Variants in CPS1 observed in about 807,000 individuals in gnomAD.
CPS1 encodes carbamoyl-phosphate synthase [ammonia], mitochondrial.
In CPS1, 109 loss-of-function variants were observed where a neutral mutation model predicts 174.6. The observed-to-expected ratio is 0.62, with a 90% CI of 0.53 to 0.73. The LOEUF is 0.73. Ranked by LOEUF, CPS1 falls within the 30% of genes least tolerant of loss-of-function variation. CPS1 has a pLI of 0.00. For missense variants in CPS1, 1,689 were observed against 1,821.9 expected (o/e 0.93, Z 1.33); for synonymous variants, 637 against 632.0 (o/e 1.01, Z -0.12).
chr2:210,477,736 C>G, exon 1 of CPS1: 8 of 1,612,892 alleles, frequency 5.0e-6, no homozygotes, highest in Non-Finnish European at 6.8e-6. Flanking sequence ...TTAACCTCAT[C>G]AAATTCATGA....
intron 21 of CPS1, among the ~76,000 whole-genome samples, chr2:210,630,550 G>A (rs1245747079): frequency 6.6e-6 from 1 of 152,096 alleles, no homozygotes; most frequent in Non-Finnish European, 1.5e-5. Context: ...ATACTGTCAC[G>A]TGAACATTGG....
At chr2:210,664,023 A>G (rs1701008796) in intron 33 of CPS1, among the ~76,000 whole-genome samples, 1 of 152,200 alleles carries the variant, frequency 6.6e-6, no homozygotes, top group Non-Finnish European at 1.5e-5. Flanking sequence ...GCCTGGTTAC[A>G]AGCAAGATCT....
intron 21 of CPS1, among the ~76,000 whole-genome samples, chr2:210,623,537 A>G (rs767400175): frequency 1.2e-4 from 18 of 152,078 alleles, no homozygotes; most frequent in Non-Finnish European, 2.1e-4. Flanking sequence ...CAAGGGTCCA[A>G]TTTCCATCCG....
At chr2:210,635,527 A>T (rs1474942080) in intron 21 of CPS1, among the ~76,000 whole-genome samples, 1 of 152,084 alleles carries the variant, frequency 6.6e-6, no homozygotes, top group Non-Finnish European at 1.5e-5. Flanking sequence ...AGCACTTGAA[A>T]CCTGGCTTTG....
Position 210,608,425 on chromosome 2 carries a change from G to T in CPS1, c.2257G>T (p.Val753Phe). The change falls in exon 19 of 38, where the codon GTC becomes TTC. Residue 753 changes from valine to phenylalanine, a missense_variant. By Grantham distance (50) the Val-to-Phe change is conservative. Coordinates refer to ENST00000233072, the MANE Select transcript of CPS1 (RefSeq NM_001875.5). ...AATCCCACTTCCAGAAATTAAGAACGTCGTATCCGGGAAGACATCAGCCTG... is the reference window on the plus strand; with the variant it reads ...AATCCCACTTCCAGAAATTAAGAACTTCGTATCCGGGAAGACATCAGCCTG... The part of the protein sequence containing the change: ...LGIPLPEIKN[V>F]VSGKTSACFE... 6.2e-7 allele frequency: 1 copy of T among 1,612,376 alleles called. No homozygotes were observed. Among genetic ancestry groups the T allele is most frequent in the Non-Finnish European group, 8.5e-7 (1 of 1,178,942 alleles).
rs771560662 is a variant in CPS1, at chr2:210,491,303, C to CTG, written c.3+13541_3+13542dup. On this transcript the variant is annotated intron_variant, in intron 1 of 38. Transcript: ENST00000430249. Reference sequence around the variant, plus strand: ...GGTTGTAAAAGCATGTATTTGGTATCTGTGTTTTTTTTTTTTTTTTTTTTT... The same window carrying CTG: ...GGTTGTAAAAGCATGTATTTGGTATCTGTGTGTTTTTTTTTTTTTTTTTTTTT... Among the ~76,000 whole-genome samples, 173 of 79,176 alleles carry CTG rather than the reference C, an allele frequency of 2.2e-3. 22 individuals carry two copies. The highest frequency in any genetic ancestry group is 1.9e-3 in the Non-Finnish European group (80 of 43,074). The allele number at this position is 79,176 out of a possible 152,430, so 51.9% of individuals were successfully genotyped here. A position where few individuals can be genotyped will look rare whatever the true frequency, so the allele number is the denominator to read the frequency against.
chr2:210,480,149 C>T (rs1415731896), intron 1 of CPS1, among the ~76,000 whole-genome samples: 1 of 152,174 alleles, frequency 6.6e-6, no homozygotes, highest in Non-Finnish European at 1.5e-5. Flanking sequence ...GTTCCCACCT[C>T]CCTCAGAGTG....
chr2:210,499,268 G>C (rs550379114), intron 1 of CPS1, among the ~76,000 whole-genome samples: 1 of 152,082 alleles, frequency 6.6e-6, no homozygotes, highest in Non-Finnish European at 1.5e-5. Flanking sequence ...GGGACCCACT[G>C]CACCGTGATC....
intron 35 of CPS1, 23 bp downstream of exon 35, chr2:210,674,984 G>C: frequency 6.3e-7 from 1 of 1,578,822 alleles, no homozygotes; most frequent in Non-Finnish European, 8.7e-7. Flanking sequence ...GTTTTAAGTT[G>C]TTTTCTGTCA....
intron 21 of CPS1, among the ~76,000 whole-genome samples, chr2:210,624,988 T>A (rs1699653036): frequency 6.6e-6 from 1 of 152,076 alleles, no homozygotes; most frequent in African/African-American, 2.4e-5. Context: ...TAATACATTA[T>A]TCCTGTGTTA....
At chr2:210,644,737 C>T (rs1700324423) in intron 25 of CPS1, among the ~76,000 whole-genome samples, 1 of 152,110 alleles carries the variant, frequency 6.6e-6, no homozygotes, top group South Asian at 2.1e-4. Flanking sequence ...TTAAGATGTT[C>T]TCAAATAAGC....
Position 210,608,565 on chromosome 2 carries a change from T to C in CPS1, c.2391+6T>C, listed in dbSNP as rs773768703. 2.5e-6 allele frequency: 4 copies of C among 1,610,752 alleles called. No individual in the cohort carries two copies. In the African/African-American group the frequency reaches 5.4e-5, roughly 22 times the overall value. ...CTATGAAAAGTGTAGGAGAGGTGAG[T>C]CCTTGGTTTATTACGCTTTTCTTCT... is the stretch of plus-strand genomic sequence containing the variant. On this transcript the variant is annotated splice_donor_region_variant and intron_variant, in intron 19 of 37. Transcript: ENST00000233072.
intron 1 of CPS1, among the ~76,000 whole-genome samples, chr2:210,536,948 G>A (rs1327551922): frequency 6.6e-6 from 1 of 152,060 alleles, no homozygotes; most frequent in African/African-American, 2.4e-5. Flanking sequence ...TGTTTCACAT[G>A]GTAGAAACAT....
intron 21 of CPS1, among the ~76,000 whole-genome samples, chr2:210,624,317 A>G (rs1399966608): frequency 6.6e-6 from 1 of 152,120 alleles, no homozygotes; most frequent in African/African-American, 2.4e-5. Context: ...AGCTAGCTGA[A>G]TATATACTAT....
chr2:210,522,449 T>C (rs1332459823), intron 1 of CPS1, among the ~76,000 whole-genome samples: 1 of 151,928 alleles, frequency 6.6e-6, no homozygotes, highest in Non-Finnish European at 1.5e-5. Flanking sequence ...CTGACTGATA[T>C]GATAATTAAA....
Position 210,612,191 on chromosome 2 carries a change from T to C in CPS1, c.2466T>C (p.Gly822=), listed in dbSNP as rs1699151334. Residue 822 remains glycine, a synonymous_variant, in exon 20 of 38, where the codon GGT becomes GGC. Coordinates refer to ENST00000233072, the MANE Select transcript of CPS1 (RefSeq NM_001875.5). ...GGATGTGCCACCCATCTATAGAAGG[T>C]TTCACTCCCCGTCTCCCAATGAACA... The part of the protein sequence containing the change: ...ALRMCHPSIE[G]FTPRLPMNKE... 6.2e-7 allele frequency: 1 copy of C among 1,612,046 alleles called. No homozygotes were observed. Among genetic ancestry groups the C allele is most frequent in the Non-Finnish European group, 8.5e-7 (1 of 1,178,834 alleles).
At chr2:210,489,981 G>A in intron 1 of CPS1, among the ~76,000 whole-genome samples, 1 of 97,188 alleles carries the variant, frequency 1.0e-5, no homozygotes. Context: ...CTGGGTGACA[G>A]AGCGAGACTC....
intron 1 of CPS1, among the ~76,000 whole-genome samples, chr2:210,540,183 G>A (rs1366273279): frequency 1.3e-5 from 2 of 152,120 alleles, no homozygotes; most frequent in African/African-American, 2.4e-5. Flanking sequence ...CTACTTGTTA[G>A]CACTGTGTTC....
intron 18 of CPS1, 141 bp downstream of exon 18, chr2:210,607,082 C>T: frequency 1.4e-6 from 1 of 723,632 alleles, no homozygotes; most frequent in Non-Finnish European, 2.3e-6. Flanking sequence ...TTTATAGCAC[C>T]CTGAGGACAT....
Sources: gnomAD v4.1 joint callset for allele counts (sites outside exome capture counted in the v4.1 genomes callset) on GRCh38, gnomAD v4.1.1 for gene constraint, MANE v1.5 for transcripts, NCBI Gene and HGNC (gene_info 2026-07-23, HGNC 2026-07-21) for gene names.